ZFHX3: variants seen among roughly 807,000 people sequenced by gnomAD.
The protein encoded by ZFHX3 is zinc finger homeobox protein 3.
A neutral mutation model predicts 279.1 loss-of-function variants in ZFHX3; 42 were observed. The observed-to-expected ratio is 0.15, with a 90% CI of 0.12 to 0.19. ZFHX3 has a LOEUF of 0.19. Ranked by LOEUF, ZFHX3 falls within the 10% of genes least tolerant of loss-of-function variation. The probability of loss-of-function intolerance (pLI) is 1.00; values close to 1 mark genes in which losing one functional copy is unlikely to be tolerated. For missense variants in ZFHX3, 4,981 were observed against 4,754.0 expected (o/e 1.05, Z -1.40); for synonymous variants, 2,293 against 1,957.8 (o/e 1.17, Z -4.52).
At chr16:73,656,055 A>G (rs1201179764) in intron 2 of ZFHX3, among the ~76,000 whole-genome samples, 8 of 152,258 alleles carry the variant, frequency 5.3e-5, no homozygotes, top group Non-Finnish European at 1.5e-5. Context: ...TGAACAAACT[A>G]TAGCTACTCA....
intron 1 of ZFHX3, among the ~76,000 whole-genome samples, chr16:73,819,887 G>A (rs1268489731): frequency 2.0e-5 from 3 of 152,174 alleles, no homozygotes; most frequent in Non-Finnish European, 4.4e-5. Context: ...GGCCAAGTGT[G>A]AAGTCTTACT....
Position 73,857,989 on chromosome 16 carries a change from G to A in ZFHX3, c.-1608+33662C>T, listed in dbSNP as rs1227416962. 3.9e-5 allele frequency among the ~76,000 whole-genome samples: 6 copies of A among 152,016 alleles called. No homozygotes were observed. The South Asian group carries it at 6.2e-4, about 16-fold the overall frequency. On this transcript the variant is annotated intron_variant, in intron 1 of 17. Transcript: ENST00000641206. The stretch of plus-strand genomic sequence containing the variant: ...GCCACGCCTGTAGTACCGGCTACTC[G>A]GGAGGCTGAGGCAGGAGAATTGCTT...
At chr16:73,632,603 T>C (rs2142148319) in intron 2 of ZFHX3, among the ~76,000 whole-genome samples, 1 of 151,304 alleles carries the variant, frequency 6.6e-6, no homozygotes, top group Non-Finnish European at 1.5e-5. Context: ...GGAGAATTGC[T>C]TGAACCTGGG....
chr16:73,136,371 G>A (rs1966792698), intron 6 of ZFHX3, among the ~76,000 whole-genome samples: 1 of 152,118 alleles, frequency 6.6e-6, no homozygotes, highest in Non-Finnish European at 1.5e-5. Flanking sequence ...GGTTCCCAAA[G>A]AGCTTCATTC....
At position 73,716,387 on chromosome 16, in the gene ZFHX3, AGT is replaced by A. The variant is rs1157021434; in HGVS notation, c.-1607-36149_-1607-36148del. ...GTAATTTCCACAGCCAGGATAAGGGAGTTTCTAGAAAAGCACCACAACAATTA... is the reference window on the plus strand; with the variant it reads ...GTAATTTCCACAGCCAGGATAAGGGATTCTAGAAAAGCACCACAACAATTA... On this transcript the variant is annotated intron_variant, in intron 1 of 17. Coordinates refer to the ZFHX3 transcript ENST00000641206. Among the ~76,000 whole-genome samples the A allele has an allele frequency of 3.9e-5, 6 of 152,266 alleles. No individual in the cohort carries two copies. The South Asian group carries it at 6.2e-4, about 16-fold the overall frequency.
intron 5 of ZFHX3, among the ~76,000 whole-genome samples, chr16:73,217,054 C>T (rs1042122649): frequency 1.3e-5 from 2 of 152,190 alleles, no homozygotes; most frequent in Admixed American, 6.5e-5. Flanking sequence ...GAGCTGAAAG[C>T]AGGCTGAAGT....
chr16:73,878,765 A>G (rs1354227895), intron 1 of ZFHX3, among the ~76,000 whole-genome samples: 1 of 151,908 alleles, frequency 6.6e-6, no homozygotes, highest in African/African-American at 2.4e-5. Context: ...CAGAAGAAAA[A>G]AAAATTAAGT....
chr16:73,130,872 T>C, intron 7 of ZFHX3: 1 of 1,080,160 alleles, frequency 9.3e-7, no homozygotes, highest in Non-Finnish European at 1.2e-6. Flanking sequence ...CCTCCCAAAG[T>C]GCTGGGATCA....
intron 2 of ZFHX3, among the ~76,000 whole-genome samples, chr16:73,616,572 G>A (rs989705141): frequency 7.9e-5 from 12 of 151,704 alleles, no homozygotes; most frequent in Non-Finnish European, 1.3e-4. Flanking sequence ...GTGTTCTCCT[G>A]GGGAAGCTCA....
At chr16:72,921,127 G>A (rs973334239) in intron 3 of ZFHX3, among the ~76,000 whole-genome samples, 5 of 146,712 alleles carry the variant, frequency 3.4e-5, no homozygotes, top group Non-Finnish European at 7.5e-5. Context: ...TACTCAGAGT[G>A]TCCTCGCAGA....
intron 1 of ZFHX3, among the ~76,000 whole-genome samples, chr16:73,693,595 A>G (rs944457160): frequency 6.6e-6 from 1 of 152,148 alleles, no homozygotes; most frequent in Non-Finnish European, 1.5e-5. Context: ...TTTCCGCTAC[A>G]TAAAGGCCAC....
chr16:73,782,767 T>A (rs1959516667), intron 1 of ZFHX3, among the ~76,000 whole-genome samples: 1 of 152,216 alleles, frequency 6.6e-6, no homozygotes. Context: ...GGTTGTATGC[T>A]GCAAGATGAC....
intron 1 of ZFHX3, among the ~76,000 whole-genome samples, chr16:73,839,844 C>T (rs1267246620): frequency 6.6e-6 from 1 of 152,210 alleles, no homozygotes; most frequent in African/African-American, 2.4e-5. Flanking sequence ...AACCCTATCC[C>T]TGGGGACTAT....
intron 2 of ZFHX3, among the ~76,000 whole-genome samples, chr16:73,567,403 T>C (rs990587201): frequency 2.6e-5 from 4 of 152,246 alleles, no homozygotes; most frequent in Admixed American, 6.5e-5. Flanking sequence ...TCTGAACTTA[T>C]AGAAGATGGA....
At chr16:73,062,825 G>A (rs1017505050), upstream of ZFHX3, among the ~76,000 whole-genome samples, 2 of 152,222 alleles carry the variant, frequency 1.3e-5, no homozygotes, top group Non-Finnish European at 2.9e-5. Flanking sequence ...AGGGGTTGGA[G>A]GGTGAAGAAT....
intron 6 of ZFHX3, among the ~76,000 whole-genome samples, chr16:73,137,902 G>A (rs1056517338): frequency 2.6e-5 from 4 of 152,104 alleles, no homozygotes; most frequent in Admixed American, 6.6e-5. Context: ...GGGTATTGGG[G>A]GGTGGGGGAA....
rs769782746 is a variant in ZFHX3 at position 72,787,603 on chromosome 16, A to G, written c.10673T>C (p.Ile3558Thr). ...LESALHKHRT[I>T]TRAARNAKEH... ...TTTGGCGTTTCTTGCTGCTCTCGTGATTGTTCTGTGTTTGTGCAAGGCCGA... is the reference window on the plus strand; with the variant it reads ...TTTGGCGTTTCTTGCTGCTCTCGTGGTTGTTCTGTGTTTGTGCAAGGCCGA... Residue 3558 changes from isoleucine to threonine, a missense_variant, in exon 10 of 10, where the codon ATC becomes ACC. Physicochemically the swap from Ile to Thr is moderately conservative, Grantham distance 89. Around this residue, in one of 7 missense-constraint regions of ZFHX3, gnomAD observed 1,034 missense variants for 786.0 expected, o/e 1.32. Coordinates refer to ENST00000268489, the MANE Select transcript of ZFHX3 (RefSeq NM_006885.4). 5 of 1,613,330 alleles carry G rather than the reference A, an allele frequency of 3.1e-6. No homozygotes were observed. The highest frequency in any genetic ancestry group is 2.7e-5 in the African/African-American group (2 of 74,680).
At chr16:73,830,322 T>C (rs1214105499) in intron 1 of ZFHX3, among the ~76,000 whole-genome samples, 1 of 149,096 alleles carries the variant, frequency 6.7e-6, no homozygotes, top group African/African-American at 2.5e-5. Context: ...CCTAGTGAGA[T>C]GAACCCGGTA....
chr16:73,617,722 G>A (rs2143896584), intron 2 of ZFHX3, among the ~76,000 whole-genome samples: 1 of 152,250 alleles, frequency 6.6e-6, no homozygotes, highest in African/African-American at 2.4e-5. Flanking sequence ...ATAGGCAACT[G>A]TGTTATAAAA....
Sources: allele counts gnomAD v4.1 joint callset (sites outside exome capture counted in the v4.1 genomes callset), GRCh38; gene constraint gnomAD v4.1.1; regional missense constraint gnomAD v4.1.1; transcripts MANE v1.5; gene names NCBI Gene and HGNC (gene_info 2026-07-23, HGNC 2026-07-21).